LCORL: variants seen among roughly 807,000 people sequenced by gnomAD.
LCORL encodes ligand dependent nuclear receptor corepressor like.
A neutral mutation model predicts 141.8 loss-of-function variants in LCORL; 41 were observed. That is an observed-to-expected ratio of 0.29 (90% confidence interval 0.23 to 0.38). LCORL has a LOEUF of 0.38. LCORL is among the 10% of genes least tolerant of loss of function. The pLI is 1.00. For synonymous variants in LCORL, 618 were observed against 694.1 expected, an observed-to-expected ratio of 0.89 and a Z score of 1.72; for missense variants, 1,759 against 2,035.0, an observed-to-expected ratio of 0.86 and a Z score of 2.61.
Position 17,874,159 on chromosome 4 carries a change from CCT to C in LCORL, c.4829_4830del (p.Glu1610GlyfsTer10), listed in dbSNP as rs1726670899. 1.6e-6 allele frequency: 2 copies of C among 1,233,836 alleles called. No homozygotes were observed. Among genetic ancestry groups the C allele is most frequent in the Non-Finnish European group, 2.0e-6 (2 of 987,866 alleles). The allele number at this position is 1,233,836 out of a possible 1,614,324, so 76.4% of individuals were successfully genotyped here. Reference sequence around the variant, plus strand: ...ACTGTTCCATGGTTGTGCAGCTTTCCCTCTCTTTTCCACCTTTCATGATGCAA... The same window carrying C: ...ACTGTTCCATGGTTGTGCAGCTTTCCCTCTTTTCCACCTTTCATGATGCAA... On this transcript the variant is annotated frameshift_variant, in exon 7 of 8. Coordinates refer to ENST00000635767, the Ensembl canonical transcript of LCORL. LOFTEE classifies it high-confidence loss of function.
intron 2 of LCORL, among the ~76,000 whole-genome samples, chr4:17,969,267 A>G (rs1715490666): frequency 6.6e-6 from 1 of 152,202 alleles, no homozygotes; most frequent in South Asian, 2.1e-4. Context: ...CACTCCAAAA[A>G]GAGAGAATAG....
At chr4:17,881,098 TA>T (rs1727509142) in intron 6 of LCORL, 1 of 982,858 alleles carries the variant, frequency 1.0e-6, no homozygotes, top group Admixed American at 6.2e-5. Context: ...AGAAATGGTT[TA>T]AACAACTTTA....
At chr4:17,974,363 T>C (rs1329873619) in intron 1 of LCORL, among the ~76,000 whole-genome samples, 1 of 152,170 alleles carries the variant, frequency 6.6e-6, no homozygotes, top group Non-Finnish European at 1.5e-5. Flanking sequence ...ATTCTTATGG[T>C]TCAATCTGCT....
chr4:18,016,240 C>A (rs1281163290), intron 1 of LCORL, among the ~76,000 whole-genome samples: 1 of 152,088 alleles, frequency 6.6e-6, no homozygotes, highest in African/African-American at 2.4e-5. Context: ...TATATTAACA[C>A]AAAATTAGCA....
intron 4 of LCORL, among the ~76,000 whole-genome samples, chr4:17,943,766 TC>T (rs1738365008): frequency 6.6e-6 from 1 of 152,144 alleles, no homozygotes; most frequent in Admixed American, 6.5e-5. Flanking sequence ...GAATACAGAA[TC>T]ATAGGACCTT....
intron 1 of LCORL, among the ~76,000 whole-genome samples, chr4:18,016,961 ATCTAAG>A (rs1011343826): frequency 6.6e-6 from 1 of 152,136 alleles, no homozygotes; most frequent in Non-Finnish European, 1.5e-5. Flanking sequence ...ATATTTTGGT[ATCTAAG>A]TCTATTTTCC....
exon 7 of LCORL, chr4:17,878,002 C>A (rs1243604904): frequency 1.6e-6 from 2 of 1,230,472 alleles, no homozygotes; most frequent in East Asian, 6.3e-5. Flanking sequence ...CATAAATCAT[C>A]TTCGATTAAG....
At chr4:17,909,314 G>T in exon 5 of LCORL, 1 of 1,608,132 alleles carries the variant, frequency 6.2e-7, no homozygotes, top group South Asian at 1.1e-5. Flanking sequence ...GAGCAACTAG[G>T]GGAATGTTAG....
At chr4:17,875,254 T>G in exon 7 of LCORL, 2 of 1,231,620 alleles carry the variant, frequency 1.6e-6, no homozygotes, top group Non-Finnish European at 2.0e-6. Context: ...CTACCAGGCT[T>G]CCTACTTATT....
chr4:17,922,435 C>T lies in LCORL; in HGVS notation c.431-13090G>A, dbSNP rs536886774. ...AAGTTTAGTGACTCTATACATAATA[C>T]ATTTGACCATATGTAAAGAACCAAG... On this transcript the variant is annotated intron_variant, in intron 4 of 7. Coordinates refer to ENST00000635767, the Ensembl canonical transcript of LCORL. Among the ~76,000 whole-genome samples, 3 of 152,268 alleles carry T rather than the reference C, an allele frequency of 2.0e-5. No individual in the cohort carries two copies. The East Asian group carries it at 5.8e-4, about 29-fold the overall frequency.
At chr4:17,939,325 A>G (rs573990895) in intron 4 of LCORL, among the ~76,000 whole-genome samples, 12 of 152,342 alleles carry the variant, frequency 7.9e-5, no homozygotes, top group Admixed American at 1.3e-4. Context: ...TATTGCTAGT[A>G]AGACTCAAAT....
chr4:17,992,303 C>T (rs1372443899), intron 1 of LCORL, among the ~76,000 whole-genome samples: 5 of 152,160 alleles, frequency 3.3e-5, no homozygotes, highest in Non-Finnish European at 5.9e-5. Context: ...CTCGTGAGAA[C>T]TCACTATCCC....
chr4:17,888,162 T>C (rs1165354976), intron 5 of LCORL, among the ~76,000 whole-genome samples: 1 of 152,112 alleles, frequency 6.6e-6, no homozygotes, highest in African/African-American at 2.4e-5. Context: ...GAATAGTGCC[T>C]GGCATACAAT....
chr4:17,922,042 G>A (rs541071991), intron 4 of LCORL, among the ~76,000 whole-genome samples: 5 of 152,240 alleles, frequency 3.3e-5, no homozygotes, highest in African/African-American at 1.2e-4. Context: ...GAGGTTTTGG[G>A]ACTCAGGCTG....
intron 4 of LCORL, among the ~76,000 whole-genome samples, chr4:17,957,967 A>T (rs1713015394): frequency 1.3e-5 from 2 of 152,012 alleles, no homozygotes; most frequent in African/African-American, 4.8e-5. Flanking sequence ...ACTCTAAAAG[A>T]TTAACACTAC....
At position 18,019,529 on chromosome 4, in the gene LCORL, C is replaced by T. The variant is rs79144380; in HGVS notation, c.154+2069G>A. 2.6e-3 allele frequency among the ~76,000 whole-genome samples: 397 copies of T among 152,250 alleles called. 3 individuals are homozygous for T. Among genetic ancestry groups the T allele is most frequent in the African/African-American group, 8.9e-3 (370 of 41,536 alleles). The stretch of plus-strand genomic sequence containing the variant: ...TAACTTTCAATGTCTTCCAATTTTA[C>T]TTGAATATACAAGTAGGTAAGGCAA... On this transcript the variant is annotated intron_variant, in intron 1 of 7. Transcript: ENST00000635767.
At chr4:17,882,388 C>G in intron 6 of LCORL, 2 of 984,400 alleles carry the variant, frequency 2.0e-6, no homozygotes, top group Non-Finnish European at 2.4e-6. Flanking sequence ...TGCTTTATAA[C>G]ATTTTACCAC....
At chr4:17,941,390 C>T (rs1231855824) in intron 4 of LCORL, among the ~76,000 whole-genome samples, 2 of 151,652 alleles carry the variant, frequency 1.3e-5, no homozygotes, top group East Asian at 1.9e-4. Context: ...ACTCGGAAGG[C>T]GAAGCTTACG....
rs1332145095 is a variant in LCORL, at chr4:17,897,224, T to C, written c.683-11063A>G. On this transcript the variant is annotated intron_variant, in intron 5 of 7. Transcript: ENST00000635767. ...TGATATACTGATTTCTTTTTTTTTT[T>C]TTTTTTTTTTTTTTTTTTTTTTTTT... Among the ~76,000 whole-genome samples the C allele has an allele frequency of 1.6e-3, 159 of 100,864 alleles. 10 individuals are homozygous for C. Among genetic ancestry groups the C allele is most frequent in the African/African-American group, 8.0e-3 (131 of 16,462 alleles). 66.2% of individuals were successfully genotyped at this position (100,864 alleles called of 152,430 possible).
Sources: allele counts gnomAD v4.1 joint callset (sites outside exome capture counted in the v4.1 genomes callset), GRCh38; gene constraint gnomAD v4.1.1; transcripts MANE v1.5; gene names NCBI Gene and HGNC (gene_info 2026-07-23, HGNC 2026-07-21).